KDM2A: variants seen among roughly 807,000 people sequenced by gnomAD.
The protein encoded by KDM2A is lysine demethylase 2A, also known as lysine-specific demethylase 2A.
A neutral mutation model predicts 137.3 loss-of-function variants in KDM2A; 3 were observed. That is an observed-to-expected ratio of 0.02 (90% confidence interval 0.01 to 0.06). The LOEUF (loss-of-function observed/expected upper bound fraction) is 0.06, where lower values mean the gene tolerates loss of function less well. Among genes scored for constraint, KDM2A ranks in the 10% least tolerant of loss-of-function variants. KDM2A has a pLI of 1.00. For missense variants in KDM2A, 738 were observed against 1,510.6 expected (o/e 0.49, Z 8.48); for synonymous variants, 512 against 541.5 (o/e 0.95, Z 0.76).
intron 12 of KDM2A, chr11:67,240,363 A>G (rs912787788): frequency 4.6e-6 from 7 of 1,535,106 alleles, no homozygotes; most frequent in Non-Finnish European, 6.1e-6. Flanking sequence ...GCGACGGGAA[A>G]CGAAAGGTCA....
chr11:67,123,949 T>TGC (rs1855657459), intron 2 of KDM2A, among the ~76,000 whole-genome samples: 1 of 151,728 alleles, frequency 6.6e-6, no homozygotes, highest in African/African-American at 2.4e-5. Context: ...AGTGCTGAGA[T>TGC]TACAGGCATG....
intron 2 of KDM2A, among the ~76,000 whole-genome samples, chr11:67,125,571 A>G (rs1372735221): frequency 6.6e-6 from 1 of 152,026 alleles, no homozygotes; most frequent in East Asian, 1.9e-4. Context: ...CAAGAGTTTG[A>G]GACCAGCCTG....
intron 2 of KDM2A, among the ~76,000 whole-genome samples, chr11:67,122,547 C>T (rs1257270205): frequency 1.3e-5 from 2 of 152,044 alleles, no homozygotes; most frequent in East Asian, 1.9e-4. Context: ...AGGATGATCT[C>T]GATCTGACCT....
At position 67,219,281 on chromosome 11, in the gene KDM2A, C is replaced by T. The variant is rs1858264545; in HGVS notation, c.842-7C>T. Reference sequence around the variant, plus strand: ...TCAGCCACTGCCCTCTGTTCCCCTTCTCCTAGGCTGGATTCATGCTGTGTA... The same window carrying T: ...TCAGCCACTGCCCTCTGTTCCCCTTTTCCTAGGCTGGATTCATGCTGTGTA... On this transcript the variant is annotated splice_polypyrimidine_tract_variant and splice_region_variant and intron_variant, in intron 9 of 20. Transcript: ENST00000529006. 3 of 1,518,070 alleles carry T rather than the reference C, an allele frequency of 2.0e-6. No homozygotes were observed. The highest frequency in any genetic ancestry group is 2.8e-5 in the African/African-American group (2 of 71,546). 94.0% of individuals were successfully genotyped at this position (1,518,070 alleles called of 1,614,324 possible). A position where few individuals can be genotyped will look rare whatever the true frequency, so the allele number is the denominator to read the frequency against.
intron 2 of KDM2A, among the ~76,000 whole-genome samples, chr11:67,172,825 A>G (rs1158920287): frequency 1.3e-5 from 2 of 152,152 alleles, no homozygotes; most frequent in Admixed American, 6.6e-5. Flanking sequence ...GGGAATAAAC[A>G]TATCTTTGTC....
chr11:67,142,993 C>T (rs1041911209), intron 2 of KDM2A, among the ~76,000 whole-genome samples: 1 of 150,542 alleles, frequency 6.6e-6, no homozygotes, highest in Non-Finnish European at 1.5e-5. Flanking sequence ...CATCTGTAAA[C>T]ACTTCAGTTA....
chr11:67,188,953 A>T (rs1219849555), intron 5 of KDM2A, among the ~76,000 whole-genome samples: 1 of 152,208 alleles, frequency 6.6e-6, no homozygotes, highest in Non-Finnish European at 1.5e-5. Flanking sequence ...AGAAGTAGAC[A>T]TTTCTATACA....
intron 5 of KDM2A, among the ~76,000 whole-genome samples, chr11:67,193,155 C>T (rs1490594925): frequency 6.6e-6 from 1 of 151,932 alleles, no homozygotes; most frequent in African/African-American, 2.4e-5. Flanking sequence ...ACACCCGGCT[C>T]ATTTTTGTAT....
chr11:67,185,599 C>T (rs1156237321), intron 5 of KDM2A, among the ~76,000 whole-genome samples: 2 of 151,072 alleles, frequency 1.3e-5, no homozygotes, highest in Non-Finnish European at 2.9e-5. Flanking sequence ...CATTGACTCC[C>T]TTGCACTCTA....
At chr11:67,188,322 A>G (rs567811066) in intron 5 of KDM2A, among the ~76,000 whole-genome samples, 130 of 152,042 alleles carry the variant, frequency 8.6e-4, no homozygotes, top group African/African-American at 3.0e-3. Flanking sequence ...CTCTACTAAA[A>G]ATACAAAATA....
chr11:67,181,775 T>G, intron 4 of KDM2A, 71 bp from the exon 5 acceptor site: 1 of 1,341,522 alleles, frequency 7.5e-7, no homozygotes, highest in South Asian at 1.2e-5. Flanking sequence ...CTCAGTACTT[T>G]AAGAAAAAAA....
intron 12 of KDM2A, chr11:67,239,894 C>CT (rs777302877): frequency 5.6e-5 from 12 of 215,678 alleles, no homozygotes; most frequent in Non-Finnish European, 8.7e-5. Flanking sequence ...AGGGCGGGGG[C>CT]TGTGGCTGAG....
At chr11:67,174,439 C>G (rs1856938649) in intron 2 of KDM2A, among the ~76,000 whole-genome samples, 1 of 152,040 alleles carries the variant, frequency 6.6e-6, no homozygotes, top group African/African-American at 2.4e-5. Context: ...GAGAAAATAC[C>G]CTTTCCACTA....
intron 5 of KDM2A, among the ~76,000 whole-genome samples, chr11:67,201,214 A>G (rs372143811): frequency 1.1e-4 from 2 of 18,878 alleles, no homozygotes; most frequent in Non-Finnish European, 1.4e-4. Context: ...ATATATATAT[A>G]TATATGTGTG....
chr11:67,203,848 C>A (rs920929087), intron 5 of KDM2A, among the ~76,000 whole-genome samples: 1 of 150,962 alleles, frequency 6.6e-6, no homozygotes, highest in African/African-American at 2.4e-5. Flanking sequence ...CGCCCAGGTC[C>A]GGAGTGCAGT....
chr11:67,211,646 T>C (rs952945948), intron 6 of KDM2A, among the ~76,000 whole-genome samples: 1 of 127,130 alleles, frequency 7.9e-6, no homozygotes, highest in East Asian at 2.4e-4. Flanking sequence ...AAAAAGAATA[T>C]ATATATAATA....
intron 5 of KDM2A, among the ~76,000 whole-genome samples, chr11:67,186,130 G>A (rs1857200541): frequency 6.6e-6 from 1 of 151,932 alleles, no homozygotes; most frequent in Admixed American, 6.6e-5. Flanking sequence ...AAAGACAGGA[G>A]TATAAACATC....
At chr11:67,190,382 C>T (rs575589970) in intron 5 of KDM2A, among the ~76,000 whole-genome samples, 127 of 152,048 alleles carry the variant, frequency 8.4e-4, no homozygotes, top group African/African-American at 2.9e-3. Flanking sequence ...TGCACTCCAG[C>T]CTGGGTGACA....
In KDM2A at chr11:67,254,226, C is replaced by G; in HGVS notation, c.3115C>G (p.Arg1039Gly). 1 of 1,613,962 alleles carries G rather than the reference C, an allele frequency of 6.2e-7. No homozygotes were observed. The highest frequency in any genetic ancestry group is 1.1e-5 in the South Asian group (1 of 91,080). Residue 1039 changes from arginine to glycine, a missense_variant, in exon 20 of 21, where the codon CGG becomes GGG. Arg to Gly is a moderately radical substitution (Grantham distance 125). Transcript: ENST00000529006. This position sits in a 1 kb window ranked among gnomAD's most constrained non-coding sequence, Gnocchi z 4.7. The stretch of plus-strand genomic sequence containing the variant: ...AGGTCAGGACAATCGCAGCAAGCTC[C>G]GGAACATGACCGACTTCCGGCTGGC... ...KPGQDNRSKLRNMTDFRLAGL... is the reference protein window; with the variant it reads ...KPGQDNRSKLGNMTDFRLAGL...
Sources: gnomAD v4.1 joint callset for allele counts (sites outside exome capture counted in the v4.1 genomes callset) on GRCh38, gnomAD v4.1.1 for gene constraint, Gnocchi (gnomAD v3.1) non-coding constraint, MANE v1.5 for transcripts, NCBI Gene and HGNC (gene_info 2026-07-23, HGNC 2026-07-21) for gene names.